CACNA2D3: variants seen among roughly 807,000 people sequenced by gnomAD.
CACNA2D3 encodes calcium voltage-gated channel auxiliary subunit alpha2delta 3, also known as voltage-dependent calcium channel subunit alpha-2/delta-3.
Under a neutral mutation model 160.6 loss-of-function variants are expected in CACNA2D3, and 60 were observed. The observed-to-expected ratio is 0.37, with a 90% CI of 0.30 to 0.46. The LOEUF is 0.46. Ranked by LOEUF, CACNA2D3 falls within the 20% of genes least tolerant of loss-of-function variation. The pLI is 1.00. For missense variants in CACNA2D3, 1,205 were observed against 1,365.0 expected, an observed-to-expected ratio of 0.88 and a Z score of 1.85; for synonymous variants, 558 against 492.9, an observed-to-expected ratio of 1.13 and a Z score of -1.75.
rs74522294 is a variant in CACNA2D3, at chr3:54,563,164, A to G, written c.676+233A>G. On this transcript the variant is annotated intron_variant, in intron 6 of 37. Transcript: ENST00000474759. ...ATTCTCTGGACCTGCCCTGTTCTCA[A>G]TAGAATAATTCACAGAGCTGTCACC... 6.9e-3 allele frequency among the ~76,000 whole-genome samples: 1,046 copies of G among 152,306 alleles called. 15 individuals are homozygous for G. The highest frequency in any genetic ancestry group is 0.024 in the African/African-American group (977 of 41,552).
chr3:54,662,561 C>T (rs1043344622), intron 11 of CACNA2D3, among the ~76,000 whole-genome samples: 2 of 152,310 alleles, frequency 1.3e-5, no homozygotes, highest in East Asian at 1.9e-4. Context: ...GTCCATAGGT[C>T]GTCCTCCAGA....
intron 35 of CACNA2D3, among the ~76,000 whole-genome samples, chr3:55,040,691 TAAA>T (rs372505212): frequency 3.3e-5 from 5 of 152,206 alleles, no homozygotes; most frequent in African/African-American, 9.6e-5. Context: ...TCTCTAATAA[TAAA>T]AAAGCCATTT....
chr3:54,698,198 G>C (rs1368039951), intron 11 of CACNA2D3, among the ~76,000 whole-genome samples: 1 of 152,146 alleles, frequency 6.6e-6, no homozygotes, highest in African/African-American at 2.4e-5. Context: ...AACAACAATA[G>C]CAGATTTGTA....
At chr3:55,026,479 G>A (rs1359598445) in intron 35 of CACNA2D3, among the ~76,000 whole-genome samples, 1 of 152,174 alleles carries the variant, frequency 6.6e-6, no homozygotes, top group Non-Finnish European at 1.5e-5. Context: ...AATACTCCAT[G>A]GTTAGTGCCA....
At chr3:54,202,447 A>G (rs1347346536) in intron 2 of CACNA2D3, among the ~76,000 whole-genome samples, 3 of 152,238 alleles carry the variant, frequency 2.0e-5, no homozygotes, top group African/African-American at 4.8e-5. Context: ...TCTAAAATGC[A>G]TGAATCTTGT....
chr3:54,299,191 T>G (rs540313073), intron 2 of CACNA2D3, among the ~76,000 whole-genome samples: 1 of 147,208 alleles, frequency 6.8e-6, no homozygotes, highest in East Asian at 2.0e-4. Flanking sequence ...GTCTTTACCT[T>G]CAGATGTGTG....
intron 10 of CACNA2D3, 53 bp from the exon 11 acceptor site, chr3:54,642,075 A>G (rs1699532981): frequency 8.5e-7 from 1 of 1,173,822 alleles, no homozygotes; most frequent in South Asian, 1.5e-5. Flanking sequence ...TTTTTCACTG[A>G]TACACAGAAT....
At chr3:54,208,619 G>A (rs1701315317) in intron 2 of CACNA2D3, among the ~76,000 whole-genome samples, 1 of 152,130 alleles carries the variant, frequency 6.6e-6, no homozygotes, top group African/African-American at 2.4e-5. Context: ...GTCACTCTCA[G>A]GTGTCTCTCT....
chr3:54,349,187 G>C (rs1010190239), intron 3 of CACNA2D3, among the ~76,000 whole-genome samples: 12 of 152,124 alleles, frequency 7.9e-5, no homozygotes, highest in African/African-American at 2.9e-4. Context: ...TGCAATTGCA[G>C]CTCTCAGCTC....
At chr3:54,847,418 T>C (rs948796094) in intron 17 of CACNA2D3, among the ~76,000 whole-genome samples, 2 of 152,222 alleles carry the variant, frequency 1.3e-5, no homozygotes, top group African/African-American at 4.8e-5. Flanking sequence ...CACCCATCTT[T>C]TCCCATTCAT....
chr3:54,176,284 T>C (rs1262636198), intron 2 of CACNA2D3, among the ~76,000 whole-genome samples: 1 of 152,230 alleles, frequency 6.6e-6, no homozygotes, highest in Non-Finnish European at 1.5e-5. Context: ...CCAAATGGTT[T>C]GCTTAGTTTC....
At chr3:54,470,959 AT>A (rs1700719961) in intron 4 of CACNA2D3, among the ~76,000 whole-genome samples, 1 of 152,178 alleles carries the variant, frequency 6.6e-6, no homozygotes, top group Non-Finnish European at 1.5e-5. Flanking sequence ...CCACACAATA[AT>A]AATGAGAGAC....
In CACNA2D3 at chr3:54,625,693, A is replaced by G. The variant is rs75678302; in HGVS notation, c.964-2094A>G. Among the ~76,000 whole-genome samples, 779 of 152,296 alleles carry G rather than the reference A, an allele frequency of 5.1e-3. 9 individuals are homozygous for G. The highest frequency in any genetic ancestry group is 0.017 in the African/African-American group (727 of 41,568). ...CAGGTGTCATTCAAAGGTTTTTACCATGAAGAACCCACCCAAACTTTGGCG... is the reference window on the plus strand; with the variant it reads ...CAGGTGTCATTCAAAGGTTTTTACCGTGAAGAACCCACCCAAACTTTGGCG... On this transcript the variant is annotated intron_variant, in intron 9 of 37. Coordinates refer to ENST00000474759, the MANE Select transcript of CACNA2D3 (RefSeq NM_018398.3).
chr3:55,051,760 C>T (rs888498903), intron 35 of CACNA2D3, among the ~76,000 whole-genome samples: 3 of 152,166 alleles, frequency 2.0e-5, no homozygotes, highest in African/African-American at 4.8e-5. Flanking sequence ...TAGCGAGACT[C>T]CGTGGGCGTA....
chr3:54,270,722 C>T lies in CACNA2D3; in HGVS notation c.205-49720C>T, dbSNP rs546241323. Among the ~76,000 whole-genome samples, 3 of 152,278 alleles carry T rather than the reference C, an allele frequency of 2.0e-5. No homozygotes were observed. In the South Asian group the frequency reaches 6.2e-4, roughly 32 times the overall value. ...TCTGGGAAGAATACTCTTCCATGTT[C>T]GTTCAAGTTGTTGGCTGATCTCAGT... is the stretch of plus-strand genomic sequence containing the variant. On this transcript the variant is annotated intron_variant, in intron 2 of 37. Coordinates refer to ENST00000474759, the MANE Select transcript of CACNA2D3 (RefSeq NM_018398.3).
chr3:54,927,895 C>G (rs371429668), intron 27 of CACNA2D3: 4 of 1,613,650 alleles, frequency 2.5e-6, no homozygotes, highest in Non-Finnish European at 2.5e-6. Context: ...GGGAATTGAT[C>G]AGGGCTCACC....
intron 3 of CACNA2D3, among the ~76,000 whole-genome samples, chr3:54,376,437 A>T (rs1345950412): frequency 2.0e-5 from 3 of 152,092 alleles, no homozygotes; most frequent in Admixed American, 6.5e-5. Flanking sequence ...TAAAGTTAGG[A>T]TGGTATCTGT....
At chr3:54,220,829 C>G (rs1306062395) in intron 2 of CACNA2D3, among the ~76,000 whole-genome samples, 3 of 152,310 alleles carry the variant, frequency 2.0e-5, no homozygotes, top group South Asian at 2.1e-4. Flanking sequence ...CTGCTGAGTC[C>G]AGCACAGTGC....
chr3:54,925,040 C>T (rs746567798), intron 27 of CACNA2D3: 5 of 1,614,110 alleles, frequency 3.1e-6, no homozygotes, highest in Non-Finnish European at 4.2e-6. Flanking sequence ...GATGGTGTAT[C>T]TGATTATCTT....
Sources: allele counts gnomAD v4.1 joint callset (sites outside exome capture counted in the v4.1 genomes callset), GRCh38; gene constraint gnomAD v4.1.1; transcripts MANE v1.5; gene names NCBI Gene and HGNC (gene_info 2026-07-23, HGNC 2026-07-21).